Variants in SRPK2 observed in about 807,000 individuals in gnomAD.
SRPK2 encodes the protein SFRS protein kinase 2.
SRPK2 carries 21 observed loss-of-function variants against 90.8 expected under a neutral mutation model. The ratio of observed to expected loss-of-function variants is 0.23; its 90% CI spans 0.16 to 0.33. The LOEUF (loss-of-function observed/expected upper bound fraction) is 0.33, where lower values mean the gene tolerates loss of function less well. Ranked by LOEUF, SRPK2 falls within the 10% of genes least tolerant of loss-of-function variation. The pLI is 1.00. For synonymous variants in SRPK2, 288 were observed against 311.1 expected (o/e 0.93, Z 0.78); for missense variants, 620 against 869.0 (o/e 0.71, Z 3.60).
intron 2 of SRPK2, among the ~76,000 whole-genome samples, chr7:105,325,918 G>A (rs1670077378): frequency 6.6e-6 from 1 of 152,176 alleles, no homozygotes; most frequent in Non-Finnish European, 1.5e-5. Flanking sequence ...ACGACTGAAG[G>A]CTTCTTAAGT....
At chr7:105,207,835 G>A (rs1327475986) in intron 2 of SRPK2, among the ~76,000 whole-genome samples, 1 of 152,010 alleles carries the variant, frequency 6.6e-6, no homozygotes, top group East Asian at 1.9e-4. Context: ...TACTTCAAAG[G>A]GCACCATCAA....
intron 2 of SRPK2, among the ~76,000 whole-genome samples, chr7:105,261,067 A>G (rs1585413655): frequency 6.6e-6 from 1 of 151,690 alleles, no homozygotes; most frequent in East Asian, 1.9e-4. Context: ...AATGTGACCA[A>G]AAAACACCAA....
intron 2 of SRPK2, among the ~76,000 whole-genome samples, chr7:105,278,862 T>C (rs1244693263): frequency 1.3e-5 from 2 of 152,124 alleles, no homozygotes; most frequent in Admixed American, 1.3e-4. Flanking sequence ...TATGGCTGCA[T>C]TATAACCTAA....
At chr7:105,251,792 T>A (rs931873697) in intron 2 of SRPK2, among the ~76,000 whole-genome samples, 2 of 152,334 alleles carry the variant, frequency 1.3e-5, no homozygotes, top group African/African-American at 2.4e-5. Context: ...GGTACAAGAA[T>A]TGAAATTTGA....
chr7:105,356,297 G>A (rs947098123), intron 2 of SRPK2, among the ~76,000 whole-genome samples: 1 of 152,080 alleles, frequency 6.6e-6, no homozygotes, highest in Non-Finnish European at 1.5e-5. Flanking sequence ...AAGTAAAATA[G>A]GCCGTGCTCC....
chr7:105,316,069 G>T (rs56251298), intron 2 of SRPK2, among the ~76,000 whole-genome samples: 63,807 of 145,802 alleles, frequency 0.44, 15,346 homozygotes, highest in Non-Finnish European at 0.54. Flanking sequence ...TTGTCACCCA[G>T]CCTGGAGTGC....
chr7:105,181,747 T>A (rs1792840423), intron 3 of SRPK2, among the ~76,000 whole-genome samples: 1 of 151,596 alleles, frequency 6.6e-6, no homozygotes. Context: ...CAGAGAGAAT[T>A]AGAAAAAACA....
intron 11 of SRPK2, among the ~76,000 whole-genome samples, chr7:105,133,409 CCT>C (rs768658405): frequency 1.6e-4 from 25 of 152,320 alleles, no homozygotes; most frequent in South Asian, 4.1e-4. Context: ...TTGCTGTCCC[CCT>C]GTCTGCAGCT....
At chr7:105,129,337 T>C (rs1200540265) in intron 13 of SRPK2, among the ~76,000 whole-genome samples, 1 of 152,138 alleles carries the variant, frequency 6.6e-6, no homozygotes, top group African/African-American at 2.4e-5. Flanking sequence ...CAATACAACA[T>C]GTACAACAGG....
At chr7:105,183,871 A>G (rs1344298796) in intron 3 of SRPK2, among the ~76,000 whole-genome samples, 1 of 152,236 alleles carries the variant, frequency 6.6e-6, no homozygotes, top group East Asian at 1.9e-4. Context: ...CATACACACA[A>G]ATACAACTAA....
At chr7:105,365,255 C>T (rs1258857797) in intron 2 of SRPK2, among the ~76,000 whole-genome samples, 4 of 151,862 alleles carry the variant, frequency 2.6e-5, no homozygotes, top group Non-Finnish European at 5.9e-5. Flanking sequence ...AAGGCTGAGG[C>T]GGGTGGATCA....
rs184592358 is a variant in SRPK2, at chr7:105,296,231, T to C, written c.71+92417A>G. On this transcript the variant is annotated intron_variant, in intron 2 of 15. Transcript: ENST00000393651. ...TTTGTGCTAAGAGTACTTTTCTCTA[T>C]AAAAGACACACAATTTTACAAAAGT... Among the ~76,000 whole-genome samples the C allele has an allele frequency of 8.5e-4, 130 of 152,324 alleles. 2 individuals are homozygous for C. Among genetic ancestry groups the C allele is most frequent in the Middle Eastern group, 6.8e-3 (2 of 294 alleles).
chr7:105,134,352 C>A (rs1012107547), intron 11 of SRPK2, among the ~76,000 whole-genome samples: 1 of 152,200 alleles, frequency 6.6e-6, no homozygotes, highest in Non-Finnish European at 1.5e-5. Flanking sequence ...CTTCTCTCCT[C>A]CTCCTGCTCC....
chr7:105,300,559 T>C (rs1460480859), intron 2 of SRPK2, among the ~76,000 whole-genome samples: 2 of 152,116 alleles, frequency 1.3e-5, no homozygotes, highest in Non-Finnish European at 2.9e-5. Flanking sequence ...AGTATAAAAT[T>C]AAAAATGACC....
intron 2 of SRPK2, among the ~76,000 whole-genome samples, chr7:105,363,786 A>C (rs566478057): frequency 6.6e-6 from 1 of 152,328 alleles, no homozygotes; most frequent in South Asian, 2.1e-4. Context: ...AACCAACCCA[A>C]ATGTCCATCA....
At chr7:105,171,939 A>G (rs1253078822) in intron 3 of SRPK2, among the ~76,000 whole-genome samples, 1 of 152,118 alleles carries the variant, frequency 6.6e-6, no homozygotes, top group Non-Finnish European at 1.5e-5. Context: ...GCTGTTACCC[A>G]GGCTAGAGTG....
intron 2 of SRPK2, among the ~76,000 whole-genome samples, chr7:105,250,695 G>T (rs1000105843): frequency 2.6e-5 from 4 of 152,038 alleles, no homozygotes; most frequent in Non-Finnish European, 1.5e-5. Context: ...ATATTTTTTG[G>T]AAAATGCTTG....
In SRPK2 at chr7:105,174,548, C is replaced by A. The variant is rs929359234; in HGVS notation, c.230-5283G>T. On this transcript the variant is annotated intron_variant, in intron 3 of 15. Coordinates refer to ENST00000393651, the MANE Select transcript of SRPK2 (RefSeq NM_182692.3). ...GACTAGGGAAAGCTGAGAATCACCC[C>A]CAACACACACAATGATTAAAAAAAG... 4.6e-5 allele frequency among the ~76,000 whole-genome samples: 7 copies of A among 152,050 alleles called. No individual in the cohort carries two copies. In the South Asian group the frequency reaches 1.2e-3, roughly 27 times the overall value.
intron 6 of SRPK2, among the ~76,000 whole-genome samples, chr7:105,167,172 A>T (rs1177094517): frequency 7.9e-5 from 12 of 152,208 alleles, no homozygotes; most frequent in Non-Finnish European, 1.8e-4. Context: ...TGTTGTGTTA[A>T]AAATAAGTTT....
Sources: gnomAD v4.1 joint callset for allele counts (sites outside exome capture counted in the v4.1 genomes callset) on GRCh38, gnomAD v4.1.1 for gene constraint, MANE v1.5 for transcripts, NCBI Gene and HGNC (gene_info 2026-07-23, HGNC 2026-07-21) for gene names.